The following TSHZ2 variants were observed in gnomAD, a reference collection of about 807,000 sequenced individuals.
TSHZ2 encodes the protein teashirt homolog 2.
In TSHZ2, 21 loss-of-function variants were observed where a neutral mutation model predicts 74.4. The ratio of observed to expected loss-of-function variants is 0.28; its 90% CI spans 0.20 to 0.41. The LOEUF (loss-of-function observed/expected upper bound fraction) is 0.41, where lower values mean the gene tolerates loss of function less well. Among genes scored for constraint, TSHZ2 ranks in the 10% least tolerant of loss-of-function variants. The pLI is 1.00. For missense variants in TSHZ2, 1,244 were observed against 1,293.5 expected, an observed-to-expected ratio of 0.96 and a Z score of 0.59; for synonymous variants, 540 against 515.3, an observed-to-expected ratio of 1.05 and a Z score of -0.65.
intron 2 of TSHZ2, among the ~76,000 whole-genome samples, chr20:53,421,972 C>T (rs1025997001): frequency 6.6e-6 from 1 of 152,100 alleles, no homozygotes; most frequent in Admixed American, 6.5e-5. Flanking sequence ...TGAGCCACCG[C>T]ACCCGGCCTA....
intron 1 of TSHZ2, among the ~76,000 whole-genome samples, chr20:52,989,821 T>G (rs896013249): frequency 6.6e-6 from 1 of 152,134 alleles, no homozygotes; most frequent in African/African-American, 2.4e-5. Flanking sequence ...TTTTAAAAGA[T>G]TGTGTAAATA....
intron 1 of TSHZ2, among the ~76,000 whole-genome samples, chr20:53,165,781 G>A (rs536364313): frequency 7.9e-5 from 12 of 152,298 alleles, no homozygotes; most frequent in African/African-American, 2.9e-4. Context: ...TCGCCTGATG[G>A]TGAATTTGAA....
chr20:53,265,017 G>A (rs1030765520), intron 2 of TSHZ2, among the ~76,000 whole-genome samples: 75 of 152,276 alleles, frequency 4.9e-4, no homozygotes, highest in African/African-American at 1.4e-3. Flanking sequence ...TCCAACCACC[G>A]AAGGCGAGAG....
chr20:53,459,582 G>C (rs942573099), intron 2 of TSHZ2, among the ~76,000 whole-genome samples: 1 of 142,914 alleles, frequency 7.0e-6, no homozygotes, highest in African/African-American at 2.7e-5. Flanking sequence ...TGTTATGTGT[G>C]AATTTTATCC....
At chr20:52,992,550 C>A (rs1408807572) in intron 1 of TSHZ2, among the ~76,000 whole-genome samples, 2 of 152,140 alleles carry the variant, frequency 1.3e-5, no homozygotes, top group Non-Finnish European at 2.9e-5. Flanking sequence ...ATCAGCAGGG[C>A]AGCCCTTCTG....
intron 1 of TSHZ2, among the ~76,000 whole-genome samples, chr20:53,009,140 A>AAAAATAGTGAG: frequency 6.6e-6 from 1 of 151,996 alleles, no homozygotes; most frequent in Admixed American, 6.6e-5. Context: ...ACTAGCCTGA[A>AAAAATAGTGAG]AAAATAGTGA....
chr20:53,216,902 T>C (rs150568649), intron 1 of TSHZ2, among the ~76,000 whole-genome samples: 26 of 152,260 alleles, frequency 1.7e-4, no homozygotes, highest in Non-Finnish European at 3.2e-4. Flanking sequence ...TCCTGGCGAC[T>C]CACTTCACCG....
intron 1 of TSHZ2, among the ~76,000 whole-genome samples, chr20:53,059,306 G>A (rs1310966822): frequency 2.0e-5 from 3 of 152,128 alleles, no homozygotes; most frequent in African/African-American, 4.8e-5. Context: ...ATTTATCAAG[G>A]GAGCAGGTTT....
At chr20:53,215,887 T>A (rs931026993) in intron 1 of TSHZ2, among the ~76,000 whole-genome samples, 4 of 149,424 alleles carry the variant, frequency 2.7e-5, no homozygotes, top group Non-Finnish European at 4.5e-5. Flanking sequence ...AAAAAAAAAA[T>A]TTAAAAAATG....
rs181845426 is a variant in TSHZ2 at position 53,019,679 on chromosome 20, G to A, written c.40+46346G>A. On this transcript the variant is annotated intron_variant, in intron 1 of 2. Transcript: ENST00000371497. ...TCCACCACTTTGGAATTACATCCTC[G>A]TGGGCAAGTTGCCTACTTCCTCCAA... Among the ~76,000 whole-genome samples, 94 of 152,174 alleles carry A rather than the reference G, an allele frequency of 6.2e-4. 1 individual carries two copies. Among genetic ancestry groups the A allele is most frequent in the African/African-American group, 2.2e-3 (90 of 41,538 alleles).
intron 1 of TSHZ2, among the ~76,000 whole-genome samples, chr20:53,227,013 G>T (rs1989701496): frequency 6.6e-6 from 1 of 152,158 alleles, no homozygotes; most frequent in African/African-American, 2.4e-5. Flanking sequence ...AATGCAATTT[G>T]CTTTCATATG....
At chr20:53,018,989 T>C (rs2123026402) in intron 1 of TSHZ2, among the ~76,000 whole-genome samples, 1 of 152,368 alleles carries the variant, frequency 6.6e-6, no homozygotes, top group East Asian at 1.9e-4. Flanking sequence ...TGCTCAATAT[T>C]TGATTCCCTA....
chr20:53,229,248 C>A (rs896233209), intron 1 of TSHZ2, among the ~76,000 whole-genome samples: 3 of 152,244 alleles, frequency 2.0e-5, no homozygotes, highest in African/African-American at 4.8e-5. Context: ...AGCCCCACCC[C>A]CTAGAGGAGC....
chr20:53,164,790 G>A (rs11086417), intron 1 of TSHZ2, among the ~76,000 whole-genome samples: 28,830 of 152,048 alleles, frequency 0.19, 2,995 homozygotes, highest in East Asian at 0.42. Flanking sequence ...TTTTCCCTAC[G>A]CATTGGCTTT....
Position 53,433,077 on chromosome 20 carries a change from GA to G in TSHZ2, c.*9-54066del, listed in dbSNP as rs1320703014. 7.2e-5 allele frequency among the ~76,000 whole-genome samples: 11 copies of G among 152,292 alleles called. No individual in the cohort carries two copies. In the East Asian group the frequency reaches 2.1e-3, roughly 29 times the overall value. On this transcript the variant is annotated intron_variant, in intron 2 of 2. Transcript: ENST00000371497. The stretch of plus-strand genomic sequence containing the variant: ...CTAGCTACCTTTGCCCCTCTTCTCA[GA>G]GGAGCAAATCTTTCTTGGAAACCCA...
intron 2 of TSHZ2, among the ~76,000 whole-genome samples, chr20:53,293,109 G>C (rs1394910093): frequency 6.6e-6 from 1 of 152,220 alleles, no homozygotes; most frequent in East Asian, 1.9e-4. Flanking sequence ...ACGCTCTTAA[G>C]CACAGATTGT....
intron 2 of TSHZ2, among the ~76,000 whole-genome samples, chr20:53,450,826 C>T (rs749113222): frequency 1.3e-5 from 2 of 152,176 alleles, no homozygotes; most frequent in Non-Finnish European, 2.9e-5. Context: ...TCCTGGCCCA[C>T]ATTTTTCTTT....
intron 1 of TSHZ2, among the ~76,000 whole-genome samples, chr20:53,015,911 T>C (rs537645019): frequency 6.6e-6 from 1 of 152,258 alleles, no homozygotes; most frequent in South Asian, 2.1e-4. Flanking sequence ...ATCTGTGTCA[T>C]GCATGACAAG....
At chr20:53,483,382 G>A (rs1360466273) in intron 2 of TSHZ2, among the ~76,000 whole-genome samples, 2 of 151,848 alleles carry the variant, frequency 1.3e-5, no homozygotes, top group African/African-American at 4.8e-5. Flanking sequence ...GCATGGTGGC[G>A]CACCTGTAGT....
Sources: gnomAD v4.1 joint callset for allele counts (sites outside exome capture counted in the v4.1 genomes callset) on GRCh38, gnomAD v4.1.1 for gene constraint, MANE v1.5 for transcripts, NCBI Gene and HGNC (gene_info 2026-07-23, HGNC 2026-07-21) for gene names.